Variants in PRICKLE2 observed in about 807,000 individuals in gnomAD.
PRICKLE2 encodes the protein prickle-like protein 2.
PRICKLE2 carries 21 observed loss-of-function variants against 81.4 expected under a neutral mutation model. The observed-to-expected ratio is 0.26, with a 90% CI of 0.18 to 0.37. PRICKLE2 has a LOEUF of 0.37. Among genes scored for constraint, PRICKLE2 ranks in the 10% least tolerant of loss-of-function variants. The pLI is 1.00. For missense variants in PRICKLE2, 940 were observed against 1,109.0 expected (o/e 0.85, Z 2.16); for synonymous variants, 456 against 421.5 (o/e 1.08, Z -1.00).
At chr3:64,191,789 T>C (rs1198694349) in intron 2 of PRICKLE2, among the ~76,000 whole-genome samples, 1 of 152,180 alleles carries the variant, frequency 6.6e-6, no homozygotes, top group African/African-American at 2.4e-5. Flanking sequence ...ATTTGCCTGA[T>C]TCCGGAAGCA....
intron 2 of PRICKLE2, among the ~76,000 whole-genome samples, chr3:64,191,367 T>C (rs186209861): frequency 2.6e-5 from 4 of 152,294 alleles, no homozygotes; most frequent in Admixed American, 2.0e-4. Flanking sequence ...GAGCAACTTC[T>C]ACGTGCAGAC....
intron 1 of PRICKLE2, among the ~76,000 whole-genome samples, chr3:64,207,769 T>G (rs577467610): frequency 9.5e-4 from 145 of 152,296 alleles, no homozygotes; most frequent in Admixed American, 1.8e-3. Flanking sequence ...AGCTATCAAC[T>G]TGCAATTTTC....
intron 2 of PRICKLE2, among the ~76,000 whole-genome samples, chr3:64,256,220 A>T (rs940397871): frequency 6.6e-6 from 1 of 152,186 alleles, no homozygotes; most frequent in Admixed American, 6.5e-5. Context: ...CCGTTTCTAT[A>T]TGGCCCAGGA....
At chr3:64,102,969 C>CGT (rs758504958) in intron 7 of PRICKLE2, 1 of 151,622 alleles carries the variant, frequency 6.6e-6, no homozygotes. Flanking sequence ...TGTGTGTGTG[C>CGT]GTGTGTGTGC....
intron 7 of PRICKLE2, among the ~76,000 whole-genome samples, chr3:64,129,190 A>G (rs1247381130): frequency 6.6e-6 from 1 of 152,076 alleles, no homozygotes; most frequent in East Asian, 2.0e-4. Context: ...TTGTAAAAAT[A>G]CAAGACTCAA....
At chr3:64,223,648 G>A (rs556656342) in intron 1 of PRICKLE2, among the ~76,000 whole-genome samples, 64 of 152,306 alleles carry the variant, frequency 4.2e-4, no homozygotes, top group African/African-American at 1.4e-3. Context: ...GAATTCCCAA[G>A]GGGAAGGAGC....
At chr3:64,119,869 T>A (rs529120208) in intron 7 of PRICKLE2, among the ~76,000 whole-genome samples, 1 of 152,200 alleles carries the variant, frequency 6.6e-6, no homozygotes, top group Non-Finnish European at 1.5e-5. Context: ...TGGAATATGA[T>A]GCAGCCATAA....
intron 2 of PRICKLE2, among the ~76,000 whole-genome samples, chr3:64,240,947 T>C (rs1221070780): frequency 6.6e-6 from 1 of 152,154 alleles, no homozygotes. Flanking sequence ...GGGTCCAGGA[T>C]GGCCAGTTGG....
intron 2 of PRICKLE2, among the ~76,000 whole-genome samples, chr3:64,243,326 C>T (rs2079296057): frequency 2.6e-5 from 4 of 152,204 alleles, no homozygotes; most frequent in Admixed American, 2.6e-4. Flanking sequence ...TGGTGTTCAG[C>T]AGTACCCATG....
intron 2 of PRICKLE2, among the ~76,000 whole-genome samples, chr3:64,254,800 C>T (rs2079500826): frequency 6.6e-6 from 1 of 152,158 alleles, no homozygotes; most frequent in Non-Finnish European, 1.5e-5. Context: ...GTATTACAGT[C>T]AGAAATAGTA....
At chr3:64,115,458 C>T (rs2076919331) in intron 7 of PRICKLE2, among the ~76,000 whole-genome samples, 1 of 152,112 alleles carries the variant, frequency 6.6e-6, no homozygotes, top group Non-Finnish European at 1.5e-5. Context: ...AGAGACCCAT[C>T]TCCCATGCAG....
chr3:64,136,471 C>T (rs190969213), intron 7 of PRICKLE2, among the ~76,000 whole-genome samples: 24 of 149,306 alleles, frequency 1.6e-4, no homozygotes, highest in Non-Finnish European at 2.7e-4. Flanking sequence ...CCTAGATGAA[C>T]GTAGTGTAAG....
At chr3:64,131,191 C>A (rs183332363) in intron 7 of PRICKLE2, among the ~76,000 whole-genome samples, 7 of 152,294 alleles carry the variant, frequency 4.6e-5, no homozygotes, top group Admixed American at 3.9e-4. Context: ...TCATCACAAG[C>A]GATAAGACCG....
chr3:64,246,443 A>G (rs1575709928), intron 2 of PRICKLE2, among the ~76,000 whole-genome samples: 1 of 152,320 alleles, frequency 6.6e-6, no homozygotes, highest in African/African-American at 2.4e-5. Context: ...ACCTTCCAAC[A>G]TAAGAATAAA....
rs9311884 is a variant in PRICKLE2, at chr3:64,135,694, TCACACACACACA to T, written c.1660+11124_1660+11135del. On this transcript the variant is annotated intron_variant, in intron 7 of 7. Transcript: ENST00000638394. ...GAACAGGACGAGGAACGATCACAGA[TCACACACACACA>T]CACACACACACACACACGCACACAC... Among the ~76,000 whole-genome samples the T allele has an allele frequency of 9.3e-5, 14 of 149,748 alleles. No individual in the cohort carries two copies. The East Asian group carries it at 1.4e-3, about 15-fold the overall frequency.
At chr3:64,194,715 G>A (rs185394566) in intron 2 of PRICKLE2, among the ~76,000 whole-genome samples, 199 of 152,196 alleles carry the variant, frequency 1.3e-3, no homozygotes, top group Admixed American at 2.0e-3. Flanking sequence ...AAAGAGATAC[G>A]GTATACACTA....
rs755987796 is a variant in PRICKLE2, at chr3:64,146,958, C to G, written c.1532G>C (p.Gly511Ala). ...CCGACACTGCTGAGTGGACAAGCCC[C>G]CTTCCTCTTCCTCTTCCTCCTCATA... ...PKYEEEEEEE[G>A]GLSTQQCRTR... Residue 511 changes from glycine to alanine, a missense_variant, in exon 7 of 8, where the codon GGG (glycine) becomes GCG (alanine). Transcript: ENST00000638394. The G allele has an allele frequency of 1.2e-4, 187 of 1,613,994 alleles. No individual in the cohort carries two copies. The highest frequency in any genetic ancestry group is 1.5e-4 in the Non-Finnish European group (177 of 1,180,024).
chr3:64,254,035 G>T (rs1366666178), intron 2 of PRICKLE2, among the ~76,000 whole-genome samples: 1 of 152,168 alleles, frequency 6.6e-6, no homozygotes, highest in African/African-American at 2.4e-5. Flanking sequence ...AATAATACAG[G>T]TATATGTTTC....
chr3:64,265,009 C>A (rs1459637549), intron 2 of PRICKLE2, among the ~76,000 whole-genome samples: 2 of 152,168 alleles, frequency 1.3e-5, no homozygotes, highest in Admixed American at 6.5e-5. Context: ...TCCCACAGTA[C>A]CTGCGTCTGT....
Sources: gnomAD v4.1 joint callset for allele counts (sites outside exome capture counted in the v4.1 genomes callset) on GRCh38, gnomAD v4.1.1 for gene constraint, MANE v1.5 for transcripts, NCBI Gene and HGNC (gene_info 2026-07-23, HGNC 2026-07-21) for gene names.